ANTXRL: variants seen among roughly 807,000 people sequenced by gnomAD.
ANTXRL encodes ANTXR like.
Under a neutral mutation model 75.4 loss-of-function variants are expected in ANTXRL, and 63 were observed. The observed-to-expected ratio is 0.84, with a 90% confidence interval of 0.68 to 1.03. The LOEUF (loss-of-function observed/expected upper bound fraction) is 1.03, where lower values mean the gene tolerates loss of function less well. Among genes scored for constraint, ANTXRL ranks in the 50% least tolerant of loss-of-function variants. The pLI, the probability that ANTXRL is intolerant of heterozygous loss-of-function variation, is 0.00. For missense variants in ANTXRL, 797 were observed against 789.4 expected, an observed-to-expected ratio of 1.01 and a Z score of -0.12; for synonymous variants, 335 against 291.3, an observed-to-expected ratio of 1.15 and a Z score of -1.53.
intron 2 of ANTXRL, 108 bp from the exon 3 acceptor site, chr10:46,293,721 G>A (rs1176742085): frequency 2.1e-5 from 19 of 890,678 alleles, no homozygotes; most frequent in Non-Finnish European, 3.0e-5. Context: ...TGTCCAGCAA[G>A]GGGCTCCAAA....
intron 10 of ANTXRL, among the ~76,000 whole-genome samples, chr10:46,306,576 G>T (rs1198034799): frequency 1.3e-5 from 2 of 151,952 alleles, no homozygotes; most frequent in African/African-American, 2.4e-5. Flanking sequence ...ATCCCTAAAG[G>T]TGAGTCCTTG....
At chr10:46,299,938 C>T (rs1443730131) in intron 9 of ANTXRL, among the ~76,000 whole-genome samples, 9 of 152,156 alleles carry the variant, frequency 5.9e-5, no homozygotes, top group Admixed American at 5.9e-4. Context: ...GTAGAGAGGG[C>T]TCTCCTCCCC....
intron 9 of ANTXRL, among the ~76,000 whole-genome samples, chr10:46,300,600 G>A (rs1366594670): frequency 2.0e-5 from 3 of 151,920 alleles, no homozygotes; most frequent in East Asian, 1.9e-4. Context: ...GCCCTGTGCA[G>A]AGGTGGGACC....
intron 15 of ANTXRL, 50 bp downstream of exon 15, chr10:46,311,715 G>A: frequency 2.7e-6 from 2 of 735,220 alleles, no homozygotes; most frequent in Non-Finnish European, 4.7e-6. Flanking sequence ...TGGGACTGTG[G>A]GAGGAGGGGG....
At chr10:46,305,643 C>T (rs1289491387) in intron 10 of ANTXRL, among the ~76,000 whole-genome samples, 4 of 152,162 alleles carry the variant, frequency 2.6e-5, no homozygotes, top group Middle Eastern at 6.3e-3. Context: ...GGCCCACGCC[C>T]TCTCCCGCAC....
chr10:46,304,011 A>G (rs1837915484), intron 10 of ANTXRL, among the ~76,000 whole-genome samples: 2 of 152,098 alleles, frequency 1.3e-5, no homozygotes, highest in Non-Finnish European at 2.9e-5. Flanking sequence ...CCTTTCCATG[A>G]GTACATAGGA....
chr10:46,294,600 C>T (rs1442211939), intron 3 of ANTXRL, among the ~76,000 whole-genome samples: 1 of 152,108 alleles, frequency 6.6e-6, no homozygotes, highest in Admixed American at 6.5e-5. Flanking sequence ...GGGGACTGGG[C>T]CCCACTTGCA....
Position 46,296,029 on chromosome 10 carries a change from A to C in ANTXRL, c.403A>C (p.Lys135Gln), listed in dbSNP as rs1212235301. 3 of 1,535,786 alleles carry C rather than the reference A, an allele frequency of 2.0e-6. No homozygotes were observed. In the African/African-American group the frequency reaches 4.1e-5, roughly 21 times the overall value. Reference protein sequence around the residue: ...LPLTSDKNRIKNGLDQLQKIV... With the variant: ...LPLTSDKNRIQNGLDQLQKIV... ...TTAAATTTTTTTCAGGAATAGAATA[A>C]AAAACGGTCTTGACCAACTTCAGAA... Residue 135 changes from lysine (K) to glutamine (Q), a missense_variant, in exon 4 of 17, where the codon AAA becomes CAA. By Grantham distance (53) the Lys-to-Gln change is moderately conservative. Transcript: ENST00000620264.
At chr10:46,294,141 A>C in intron 3 of ANTXRL, 1 of 534,192 alleles carries the variant, frequency 1.9e-6, no homozygotes, top group Non-Finnish European at 3.3e-6. Context: ...CCCCCACTTC[A>C]CGCTCCCCTG....
chr10:46,300,582 T>C (rs1331669306), intron 9 of ANTXRL, among the ~76,000 whole-genome samples: 2 of 151,730 alleles, frequency 1.3e-5, no homozygotes, highest in African/African-American at 2.4e-5. Flanking sequence ...CCACTTCCTG[T>C]TCTGGGCGCC....
At chr10:46,320,170 C>G (rs928306048) in intron 16 of ANTXRL, among the ~76,000 whole-genome samples, 1 of 152,164 alleles carries the variant, frequency 6.6e-6, no homozygotes, top group African/African-American at 2.4e-5. Context: ...TTAGCACCAA[C>G]TTTGAAACAG....
In ANTXRL at chr10:46,330,074, C is replaced by G; in HGVS notation, c.1886C>G (p.Pro629Arg). The change falls in exon 17 of 17, where the codon CCC becomes CGC. Residue 629 changes from proline to arginine, a missense_variant. Pro to Arg is a moderately radical substitution (Grantham distance 103). Transcript: ENST00000620264. The stretch of plus-strand genomic sequence containing the variant: ...CCTTTGTCACTCCCCCCCTCAGAGC[C>G]CAACTTCTAAGGCACCAAACACCCA... ...EPPLSLPPSE[P>R]NF The G allele has an allele frequency of 4.6e-6, 7 of 1,513,560 alleles. No individual in the cohort carries two copies. Among genetic ancestry groups the G allele is most frequent in the Non-Finnish European group, 6.2e-6 (7 of 1,133,338 alleles). The allele number at this position is 1,513,560 out of a possible 1,614,324, so 93.8% of individuals were successfully genotyped here.
Position 46,307,412 on chromosome 10 carries a change from A to G in ANTXRL, c.976A>G (p.Ile326Val), listed in dbSNP as rs1239621987. The part of the protein sequence containing the change: ...KLEKPGEEYS[I>V]EVSLNKGKTF... ...TTTTCTATGCTTTAGGGAGTACTCTATTGAAGTCAGCTTGAACAAAGGCAA... is the reference window on the plus strand; with the variant it reads ...TTTTCTATGCTTTAGGGAGTACTCTGTTGAAGTCAGCTTGAACAAAGGCAA... Residue 326 changes from isoleucine (I) to valine (V), a missense_variant, in exon 12 of 17, where the codon ATT becomes GTT. By Grantham distance (29) the Ile-to-Val change is conservative (BLOSUM62 3). This residue lies in a region of ANTXRL where 479 missense variants were observed against 422.0 expected (regional missense o/e 1.14). Coordinates refer to ENST00000620264, the MANE Select transcript of ANTXRL (RefSeq NM_001278688.3). 20 of 1,535,784 alleles carry G rather than the reference A, an allele frequency of 1.3e-5. No individual in the cohort carries two copies. Among genetic ancestry groups the G allele is most frequent in the Admixed American group, 9.8e-5 (5 of 50,964 alleles).
intron 10 of ANTXRL, among the ~76,000 whole-genome samples, chr10:46,303,835 C>T (rs549699776): frequency 1.3e-5 from 2 of 152,238 alleles, no homozygotes; most frequent in East Asian, 3.9e-4. Flanking sequence ...CCACTGAGGG[C>T]CTGGGGTGCA....
intron 9 of ANTXRL, among the ~76,000 whole-genome samples, chr10:46,300,576 T>A (rs1837664711): frequency 6.6e-6 from 1 of 151,722 alleles, no homozygotes; most frequent in African/African-American, 2.4e-5. Context: ...CAGGGTCCAC[T>A]TCCTGTTCTG....
intron 13 of ANTXRL, among the ~76,000 whole-genome samples, chr10:46,309,858 T>C (rs1838319751): frequency 6.6e-6 from 1 of 152,100 alleles, no homozygotes; most frequent in Non-Finnish European, 1.5e-5. Context: ...AAGGGCTCCC[T>C]GTAAGGCGGA....
chr10:46,312,827 A>G (rs543012183), intron 15 of ANTXRL, among the ~76,000 whole-genome samples: 8 of 149,934 alleles, frequency 5.3e-5, no homozygotes, highest in South Asian at 2.1e-4. Context: ...CTCCCTGAGC[A>G]GGGCATGGTC....
chr10:46,300,503 A>G (rs543137797), intron 9 of ANTXRL, among the ~76,000 whole-genome samples: 50 of 152,118 alleles, frequency 3.3e-4, no homozygotes, highest in Middle Eastern at 6.8e-3. Context: ...GAGGGTTTTG[A>G]CAGGCATCTC....
upstream of ANTXRL, among the ~76,000 whole-genome samples, chr10:46,286,685 C>T (rs76055187): frequency 0.029 from 4,436 of 152,192 alleles, 156 homozygotes; most frequent in East Asian, 0.13. Flanking sequence ...ATCTCCTTCC[C>T]GAACTGCCAT....
Sources: allele counts gnomAD v4.1 joint callset (sites outside exome capture counted in the v4.1 genomes callset), GRCh38; gene constraint gnomAD v4.1.1; regional missense constraint gnomAD v4.1.1; transcripts MANE v1.5; gene names NCBI Gene and HGNC (gene_info 2026-07-23, HGNC 2026-07-21).